The following PPARGC1A variants were observed in gnomAD, a reference collection of about 807,000 sequenced individuals.
PPARGC1A encodes the protein PPARG coactivator 1 alpha.
A neutral mutation model predicts 88.7 loss-of-function variants in PPARGC1A; 25 were observed. The observed-to-expected ratio is 0.28, with a 90% confidence interval of 0.21 to 0.39. PPARGC1A has a LOEUF of 0.39. PPARGC1A is among the 10% of genes least tolerant of loss of function. The probability of loss-of-function intolerance (pLI) is 1.00; values close to 1 mark genes in which losing one functional copy is unlikely to be tolerated. For synonymous variants in PPARGC1A, 363 were observed against 355.6 expected, an observed-to-expected ratio of 1.02 and a Z score of -0.24; for missense variants, 880 against 968.7, an observed-to-expected ratio of 0.91 and a Z score of 1.22.
chr4:24,098,314 C>G, the PPARGC1A span, among the ~76,000 whole-genome samples: 1 of 152,102 alleles, frequency 6.6e-6, no homozygotes, highest in African/African-American at 2.4e-5. Context: ...GGCCTTGGCT[C>G]CACAGCAAAA....
chr4:24,288,065 C>T, the PPARGC1A span, among the ~76,000 whole-genome samples: 5 of 152,160 alleles, frequency 3.3e-5, no homozygotes, highest in Admixed American at 1.3e-4. Context: ...AACCTAGCAA[C>T]TCTTGGATTT....
At chr4:24,185,339 C>T in the PPARGC1A span, among the ~76,000 whole-genome samples, 2 of 152,158 alleles carry the variant, frequency 1.3e-5, no homozygotes, top group African/African-American at 4.8e-5. Context: ...GATGATTTTT[C>T]CTCTTAAAAC....
chr4:23,913,641 A>G, the PPARGC1A span, among the ~76,000 whole-genome samples: 1 of 152,212 alleles, frequency 6.6e-6, no homozygotes, highest in South Asian at 2.1e-4. Context: ...GACAAGAACA[A>G]TGTCTTGTTC....
chr4:23,797,739 G>C (rs1717873811), intron 12 of PPARGC1A, among the ~76,000 whole-genome samples: 1 of 152,124 alleles, frequency 6.6e-6, no homozygotes. Flanking sequence ...GCATGAGATA[G>C]AATGTGGTTA....
the PPARGC1A span, among the ~76,000 whole-genome samples, chr4:24,171,051 T>G: frequency 6.6e-6 from 1 of 152,048 alleles, no homozygotes; most frequent in Non-Finnish European, 1.5e-5. Context: ...CATAGCTTTC[T>G]CCCTCACAAT....
the PPARGC1A span, among the ~76,000 whole-genome samples, chr4:24,443,775 C>T: frequency 5.5e-5 from 8 of 144,970 alleles, no homozygotes; most frequent in African/African-American, 1.5e-4. Flanking sequence ...AGGCTGGTCT[C>T]GAACTCCTGA....
chr4:23,888,511 T>G (rs749233430), intron 1 of PPARGC1A, among the ~76,000 whole-genome samples: 7 of 152,114 alleles, frequency 4.6e-5, no homozygotes, highest in Non-Finnish European at 8.8e-5. Flanking sequence ...TCAAAGGCAA[T>G]TAGGACTTTG....
At chr4:24,129,083 G>A in the PPARGC1A span, among the ~76,000 whole-genome samples, 454 of 152,274 alleles carry the variant, frequency 3.0e-3, 5 homozygotes, top group East Asian at 1.7e-3. Flanking sequence ...TTAAGGAATC[G>A]TATTTGTACT....
chr4:23,861,428 T>C (rs1437180735), intron 2 of PPARGC1A, among the ~76,000 whole-genome samples: 2 of 152,214 alleles, frequency 1.3e-5, no homozygotes, highest in Admixed American at 6.5e-5. Flanking sequence ...ACAAGTTAAA[T>C]GTCATTCATT....
chr4:24,432,509 A>G, the PPARGC1A span, among the ~76,000 whole-genome samples: 4 of 152,208 alleles, frequency 2.6e-5, no homozygotes, highest in African/African-American at 9.7e-5. Context: ...CAGCATGGTC[A>G]TGGAACTCCA....
At chr4:24,096,603 A>G in the PPARGC1A span, among the ~76,000 whole-genome samples, 1 of 152,360 alleles carries the variant, frequency 6.6e-6, no homozygotes, top group Middle Eastern at 3.4e-3. Context: ...GTACCTTACA[A>G]AAACTTTTAC....
the PPARGC1A span, among the ~76,000 whole-genome samples, chr4:24,398,428 T>C: frequency 1.3e-5 from 2 of 152,272 alleles, no homozygotes; most frequent in Non-Finnish European, 1.5e-5. Flanking sequence ...TTTTTATTTC[T>C]AGATGTTATA....
chr4:23,942,366 C>G, the PPARGC1A span, among the ~76,000 whole-genome samples: 1 of 152,144 alleles, frequency 6.6e-6, no homozygotes. Flanking sequence ...ATATTCTTGT[C>G]AATTCTGCAT....
the PPARGC1A span, among the ~76,000 whole-genome samples, chr4:24,053,542 T>C: frequency 5.3e-5 from 8 of 152,274 alleles, no homozygotes; most frequent in East Asian, 1.5e-3. Context: ...CTACCCTAAA[T>C]GTTTGTGACA....
At chr4:24,193,527 C>T in the PPARGC1A span, among the ~76,000 whole-genome samples, 1 of 152,122 alleles carries the variant, frequency 6.6e-6, no homozygotes, top group Non-Finnish European at 1.5e-5. Context: ...TACCCAAGGT[C>T]TCATCAGGAT....
chr4:24,075,229 G>C, the PPARGC1A span, among the ~76,000 whole-genome samples: 1 of 152,158 alleles, frequency 6.6e-6, no homozygotes, highest in Non-Finnish European at 1.5e-5. Flanking sequence ...GTTGCCACAT[G>C]GGTTTCAAAT....
the PPARGC1A span, among the ~76,000 whole-genome samples, chr4:24,088,121 A>G: frequency 3.9e-4 from 59 of 152,264 alleles, no homozygotes; most frequent in Admixed American, 3.9e-3. Context: ...GGCCGAGGCA[A>G]GAGGATCACT....
chr4:24,282,441 T>C, the PPARGC1A span, among the ~76,000 whole-genome samples: 1 of 152,176 alleles, frequency 6.6e-6, no homozygotes, highest in Non-Finnish European at 1.5e-5. Flanking sequence ...ATCAGCTGCA[T>C]AACAAAAAGA....
chr4:24,295,623 G>GA, the PPARGC1A span, among the ~76,000 whole-genome samples: 1 of 151,170 alleles, frequency 6.6e-6, no homozygotes, highest in African/African-American at 2.4e-5. Context: ...GTTTAAGGGG[G>GA]AAGAAACTAT....
Sources: gnomAD v4.1 joint callset for allele counts (sites outside exome capture counted in the v4.1 genomes callset) on GRCh38, gnomAD v4.1.1 for gene constraint, MANE v1.5 for transcripts, NCBI Gene and HGNC (gene_info 2026-07-23, HGNC 2026-07-21) for gene names.